SLCO3A1: variants seen among roughly 807,000 people sequenced by gnomAD.
SLCO3A1 encodes the protein solute carrier organic anion transporter family member 3A1.
Under a neutral mutation model 63.1 loss-of-function variants are expected in SLCO3A1, and 27 were observed. That is an observed-to-expected ratio of 0.43 (90% confidence interval 0.32 to 0.59). The LOEUF (loss-of-function observed/expected upper bound fraction) is 0.59. Among genes scored for constraint, SLCO3A1 ranks in the 20% least tolerant of loss-of-function variants. The pLI is 0.09. For missense variants in SLCO3A1, 773 were observed against 945.8 expected, an observed-to-expected ratio of 0.82 and a Z score of 2.40; for synonymous variants, 473 against 409.9, an observed-to-expected ratio of 1.15 and a Z score of -1.86.
intron 7 of SLCO3A1, among the ~76,000 whole-genome samples, chr15:92,129,110 A>AC (rs1376071654): frequency 1.3e-5 from 2 of 152,108 alleles, no homozygotes; most frequent in Non-Finnish European, 2.9e-5. Flanking sequence ...TGCTGATCCC[A>AC]CCTTCCAGGA....
intron 2 of SLCO3A1, among the ~76,000 whole-genome samples, chr15:91,931,550 A>G (rs1277996632): frequency 6.6e-6 from 1 of 150,970 alleles, no homozygotes; most frequent in Non-Finnish European, 1.5e-5. Context: ...GGCTCACTGC[A>G]ACCTCTGCCT....
intron 2 of SLCO3A1, among the ~76,000 whole-genome samples, chr15:92,053,544 A>G (rs559836283): frequency 1.2e-3 from 181 of 152,254 alleles, no homozygotes; most frequent in African/African-American, 4.3e-3. Flanking sequence ...ACATTGAGTC[A>G]TCATGGCTCC....
chr15:92,145,121 G>A (rs1421810554), intron 7 of SLCO3A1, among the ~76,000 whole-genome samples: 1 of 152,200 alleles, frequency 6.6e-6, no homozygotes, highest in African/African-American at 2.4e-5. Flanking sequence ...GAGCTCCGGG[G>A]AGAGAAAAAT....
intron 2 of SLCO3A1, among the ~76,000 whole-genome samples, chr15:92,041,307 A>G (rs1020145286): frequency 2.6e-5 from 4 of 152,192 alleles, no homozygotes; most frequent in Admixed American, 1.3e-4. Flanking sequence ...CTTGCAGAAC[A>G]GGCATTGCAG....
chr15:92,171,659 C>G, intron 10 of SLCO3A1: 2 of 712,534 alleles, frequency 2.8e-6, no homozygotes, highest in Non-Finnish European at 4.9e-6. Flanking sequence ...CTTTGACTGC[C>G]TACTCTTGTC....
chr15:91,856,971 G>A lies in SLCO3A1; in HGVS notation c.180+2883G>A, dbSNP rs1281362277. Reference sequence around the variant, plus strand: ...TGACACTAGTGTAGGCTTCCCAACTGCAGAACTGAAGCAGAAGGTTGCCTG... The same window carrying A: ...TGACACTAGTGTAGGCTTCCCAACTACAGAACTGAAGCAGAAGGTTGCCTG... On this transcript the variant is annotated intron_variant, in intron 1 of 9. Transcript: ENST00000318445. This position sits in a 1 kb window ranked among gnomAD's most constrained non-coding sequence, Gnocchi z 4.9. Among the ~76,000 whole-genome samples the A allele has an allele frequency of 6.6e-6, 1 of 151,702 alleles. No homozygotes were observed.
intron 2 of SLCO3A1, among the ~76,000 whole-genome samples, chr15:92,039,952 C>T (rs556531729): frequency 1.3e-5 from 2 of 152,246 alleles, no homozygotes; most frequent in African/African-American, 4.8e-5. Flanking sequence ...TCCTCAGCAA[C>T]ATAACACAGG....
intron 5 of SLCO3A1, among the ~76,000 whole-genome samples, chr15:92,121,386 G>A (rs2047860741): frequency 6.6e-6 from 1 of 152,234 alleles, no homozygotes; most frequent in South Asian, 2.1e-4. Context: ...TCAAACAAGA[G>A]GGAAGAATCA....
chr15:91,930,230 G>A (rs796960852), intron 2 of SLCO3A1, among the ~76,000 whole-genome samples: 7 of 151,998 alleles, frequency 4.6e-5, no homozygotes, highest in East Asian at 1.9e-4. Flanking sequence ...TCCTCTACTC[G>A]TCCCCTCCCT....
At chr15:92,048,378 G>A (rs1014763904) in intron 2 of SLCO3A1, among the ~76,000 whole-genome samples, 4 of 152,116 alleles carry the variant, frequency 2.6e-5, no homozygotes, top group Admixed American at 1.3e-4. Context: ...GCTATGAAAT[G>A]TGGTCGTGTT....
intron 2 of SLCO3A1, among the ~76,000 whole-genome samples, chr15:92,028,016 A>T (rs1305045734): frequency 3.3e-5 from 5 of 152,172 alleles, no homozygotes; most frequent in African/African-American, 4.8e-5. Flanking sequence ...CCATGTTGAG[A>T]ATCTTCCCTA....
intron 2 of SLCO3A1, among the ~76,000 whole-genome samples, chr15:91,938,518 A>G (rs974633602): frequency 6.9e-6 from 1 of 145,494 alleles, no homozygotes; most frequent in Admixed American, 6.9e-5. Flanking sequence ...TATTTGTGTC[A>G]CAGTTACAAG....
intron 5 of SLCO3A1, 41 bp from the exon 6 acceptor site, chr15:92,126,020 C>A: frequency 1.3e-6 from 2 of 1,578,692 alleles, no homozygotes; most frequent in Non-Finnish European, 8.7e-7. Flanking sequence ...ACTGGCCCCA[C>A]CTTCCCTGTT....
chr15:91,936,610 C>G (rs1017472232), intron 2 of SLCO3A1, among the ~76,000 whole-genome samples: 67 of 152,308 alleles, frequency 4.4e-4, no homozygotes, highest in African/African-American at 1.5e-3. Flanking sequence ...GAAAAGAATG[C>G]ATGTCGTGCG....
chr15:92,031,992 T>C (rs1263038776), intron 2 of SLCO3A1, among the ~76,000 whole-genome samples: 1 of 152,118 alleles, frequency 6.6e-6, no homozygotes, highest in Non-Finnish European at 1.5e-5. Context: ...TGTAAATGGA[T>C]GTCAGTTCTG....
rs1309881922 is a variant in SLCO3A1, at chr15:91,954,201, C to G, written c.646+37743C>G. Among the ~76,000 whole-genome samples the G allele has an allele frequency of 6.6e-6, 1 of 152,158 alleles. No individual in the cohort carries two copies. The highest frequency in any genetic ancestry group is 1.9e-4 in the East Asian group (1 of 5,182). ...GCTCAAGGGTGTTAGAGACAGACCC[C>G]TAGGGGTTTCTGAACCACGCACTGA... is the stretch of plus-strand genomic sequence containing the variant. On this transcript the variant is annotated intron_variant, in intron 2 of 9. Transcript: ENST00000318445. This position sits in a 1 kb window ranked among gnomAD's most constrained non-coding sequence, Gnocchi z 4.7.
chr15:92,118,818 C>A (rs1044223159), intron 4 of SLCO3A1, among the ~76,000 whole-genome samples: 1 of 143,782 alleles, frequency 7.0e-6, no homozygotes. Context: ...AAGTAAACTG[C>A]ATGTCAGATA....
chr15:91,979,186 G>T lies in SLCO3A1; in HGVS notation c.646+62728G>T, dbSNP rs553183348. 3.9e-5 allele frequency among the ~76,000 whole-genome samples: 6 copies of T among 152,112 alleles called. 1 individual carries two copies. The South Asian group carries it at 8.3e-4, about 21-fold the overall frequency. On this transcript the variant is annotated intron_variant, in intron 2 of 9. Transcript: ENST00000318445. ...CCCCAAAAAGCTTGGGACCAGAAGT[G>T]TTTCTAATTTTTTTTTTTAATTTTG... is the stretch of plus-strand genomic sequence containing the variant.
At chr15:92,130,644 G>A (rs1275840156) in intron 7 of SLCO3A1, among the ~76,000 whole-genome samples, 2 of 152,084 alleles carry the variant, frequency 1.3e-5, no homozygotes, top group Non-Finnish European at 2.9e-5. Context: ...AGGCTTTGTC[G>A]AGAGCCTATT....
Sources: allele counts gnomAD v4.1 joint callset (sites outside exome capture counted in the v4.1 genomes callset), GRCh38; gene constraint gnomAD v4.1.1; non-coding constraint Gnocchi (gnomAD v3.1); transcripts MANE v1.5; gene names NCBI Gene and HGNC (gene_info 2026-07-23, HGNC 2026-07-21).